ENPP1: variants seen among roughly 807,000 people sequenced by gnomAD.
ENPP1 encodes the protein ectonucleotide pyrophosphatase/phosphodiesterase 1.
A neutral mutation model predicts 122.8 loss-of-function variants in ENPP1; 73 were observed. The ratio of observed to expected loss-of-function variants is 0.59; its 90% confidence interval spans 0.49 to 0.72. The LOEUF is 0.72. Ranked by LOEUF, ENPP1 falls within the 30% of genes least tolerant of loss-of-function variation. The pLI, the probability that ENPP1 is intolerant of heterozygous loss-of-function variation, is 0.00. For synonymous variants in ENPP1, 367 were observed against 391.6 expected, an observed-to-expected ratio of 0.94 and a Z score of 0.74; for missense variants, 978 against 1,128.1, an observed-to-expected ratio of 0.87 and a Z score of 1.91.
At chr6:131,868,170 A>C in intron 12 of ENPP1, 44 bp downstream of exon 12, 1 of 1,420,162 alleles carries the variant, frequency 7.0e-7, no homozygotes, top group Non-Finnish European at 1.0e-6. Context: ...TAAAGGGCTG[A>C]AGAAAGTTTA....
At chr6:131,875,906 C>G (rs1222600219) in intron 17 of ENPP1, 43 bp downstream of exon 17, 1 of 1,455,980 alleles carries the variant, frequency 6.9e-7, no homozygotes. Flanking sequence ...GAAAATAGAC[C>G]TGAAATAGGA....
intron 7 of ENPP1, 123 bp from the exon 8 acceptor site, chr6:131,860,264 C>A: frequency 1.3e-6 from 1 of 781,142 alleles, no homozygotes; most frequent in Non-Finnish European, 2.1e-6. Context: ...GTTTTTCTTT[C>A]CTTAAACTTA....
At chr6:131,831,178 A>T (rs938446328) in intron 1 of ENPP1, among the ~76,000 whole-genome samples, 5 of 151,138 alleles carry the variant, frequency 3.3e-5, no homozygotes, top group African/African-American at 7.3e-5. Context: ...ATGAAATGGA[A>T]TTTTTTTGGT....
chr6:131,875,440 A>G (rs1052763084), intron 16 of ENPP1, among the ~76,000 whole-genome samples: 1 of 151,344 alleles, frequency 6.6e-6, no homozygotes, highest in African/African-American at 2.5e-5. Context: ...TAAACTTACA[A>G]TAATTATTTA....
chr6:131,844,626 G>A (rs1458016762), intron 1 of ENPP1, among the ~76,000 whole-genome samples: 1 of 152,210 alleles, frequency 6.6e-6, no homozygotes, highest in East Asian at 1.9e-4. Context: ...TGCTGGAAGT[G>A]AAATTGAAGT....
At chr6:131,832,973 C>T (rs946166375) in intron 1 of ENPP1, among the ~76,000 whole-genome samples, 1 of 152,192 alleles carries the variant, frequency 6.6e-6, no homozygotes, top group African/African-American at 2.4e-5. Context: ...GATTTATAAA[C>T]AGAAATTTAG....
Position 131,872,801 on chromosome 6 carries a change from T to C in ENPP1, c.1438-122T>C, listed in dbSNP as rs1585833426. 10 of 991,504 alleles carry C rather than the reference T, an allele frequency of 1.0e-5. No homozygotes were observed. The East Asian group carries it at 2.4e-4, about 23-fold the overall frequency. The allele number at this position is 991,504 out of a possible 1,614,324, so 61.4% of individuals were successfully genotyped here. A position where few individuals can be genotyped will look rare whatever the true frequency, so the allele number is the denominator to read the frequency against. On this transcript the variant is annotated intron_variant, in intron 14 of 24. Coordinates refer to ENST00000647893, the MANE Select transcript of ENPP1 (RefSeq NM_006208.3). ...AGTTAGAAAGCAATTTCAAGAAAAG[T>C]TGACACTTTTTATAGATATTAGGGA...
chr6:131,883,756 A>G lies in ENPP1; in HGVS notation c.2293A>G (p.Met765Val). 2.0e-6 allele frequency: 3 copies of G among 1,515,310 alleles called. No homozygotes were observed. The highest frequency in any genetic ancestry group is 2.3e-5 in the East Asian group (1 of 44,204). The allele number at this position is 1,515,310 out of a possible 1,614,324, so 93.9% of individuals were successfully genotyped here. Residue 765 changes from methionine (M) to valine (V), a missense_variant, in exon 22 of 25, where the codon ATG (methionine) becomes GTG (valine). Transcript: ENST00000647893. ...TTTGCTTACTACAAATATAGTGCCA[A>G]TGTACCAGAGTTTTCAAGGTAAATA... The part of the protein sequence containing the change: ...EALLTTNIVP[M>V]YQSFQVIWRY...
intron 24 of ENPP1, among the ~76,000 whole-genome samples, chr6:131,889,036 A>G (rs976278494): frequency 6.6e-6 from 1 of 152,080 alleles, no homozygotes. Context: ...GGGCTTCTTC[A>G]TGCATCTTTG....
At position 131,848,793 on chromosome 6, in the gene ENPP1, C is replaced by T. The variant is rs191584583; in HGVS notation, c.313+945C>T. Reference sequence around the variant, plus strand: ...AAATTATTAGGTGCATATTAATGAGCTCCAAGTAATAGCTATTATTCCAAT... The same window carrying T: ...AAATTATTAGGTGCATATTAATGAGTTCCAAGTAATAGCTATTATTCCAAT... On this transcript the variant is annotated intron_variant, in intron 2 of 24. Transcript: ENST00000647893. 2.6e-5 allele frequency among the ~76,000 whole-genome samples: 4 copies of T among 152,240 alleles called. No homozygotes were observed. The East Asian group carries it at 7.7e-4, about 29-fold the overall frequency.
At chr6:131,877,238 C>T (rs1000424634) in intron 18 of ENPP1, 77 bp downstream of exon 18, 4 of 1,390,750 alleles carry the variant, frequency 2.9e-6, no homozygotes, top group Non-Finnish European at 4.0e-6. Flanking sequence ...TGTAAAAATA[C>T]TTAATAATCA....
At chr6:131,827,337 A>G in intron 1 of ENPP1, 1 of 1,253,666 alleles carries the variant, frequency 8.0e-7, no homozygotes, top group Non-Finnish European at 1.2e-6. Flanking sequence ...GTCATTCTTG[A>G]CATCAGGGAT....
chr6:131,816,021 G>GT (rs11384048), intron 1 of ENPP1, among the ~76,000 whole-genome samples: 15,683 of 151,848 alleles, frequency 0.1, 1,088 homozygotes, highest in African/African-American at 0.2. Context: ...ACGCCCGGCT[G>GT]TATCAGCTTT....
intron 18 of ENPP1, among the ~76,000 whole-genome samples, chr6:131,878,046 T>C (rs1229021045): frequency 6.6e-6 from 1 of 151,606 alleles, no homozygotes; most frequent in Non-Finnish European, 1.5e-5. Context: ...ATGCTTATAC[T>C]AACAATTTTG....
chr6:131,825,055 G>A (rs1781529847), intron 1 of ENPP1, among the ~76,000 whole-genome samples: 1 of 149,196 alleles, frequency 6.7e-6, no homozygotes, highest in South Asian at 2.2e-4. Flanking sequence ...GCGAGACTGT[G>A]TCTCAAAAAA....
At chr6:131,845,671 C>G (rs1340445318) in intron 1 of ENPP1, among the ~76,000 whole-genome samples, 1 of 151,988 alleles carries the variant, frequency 6.6e-6, no homozygotes, top group Non-Finnish European at 1.5e-5. Flanking sequence ...GTTGACCAGG[C>G]TGGTCTCAAA....
chr6:131,815,294 ACACCAAG>A (rs1781400361), intron 1 of ENPP1, among the ~76,000 whole-genome samples: 2 of 152,172 alleles, frequency 1.3e-5, no homozygotes, highest in Non-Finnish European at 2.9e-5. Flanking sequence ...TCCTTCACTT[ACACCAAG>A]GCCTCTTTGG....
At chr6:131,881,642 G>C (rs936311032) in intron 20 of ENPP1, among the ~76,000 whole-genome samples, 1 of 152,098 alleles carries the variant, frequency 6.6e-6, no homozygotes, top group Non-Finnish European at 1.5e-5. Flanking sequence ...CCAACACTTT[G>C]GGGGGCTGAG....
At chr6:131,832,700 T>G (rs1781628867) in intron 1 of ENPP1, among the ~76,000 whole-genome samples, 2 of 152,144 alleles carry the variant, frequency 1.3e-5, no homozygotes, top group Admixed American at 1.3e-4. Flanking sequence ...TGACTTAGAG[T>G]TGGAACAGCA....
Sources: allele counts gnomAD v4.1 joint callset (sites outside exome capture counted in the v4.1 genomes callset), GRCh38; gene constraint gnomAD v4.1.1; transcripts MANE v1.5; gene names NCBI Gene and HGNC (gene_info 2026-07-23, HGNC 2026-07-21).